The following HDAC1 variants were observed in gnomAD, a reference collection of about 807,000 sequenced individuals.
HDAC1 encodes the protein protein deacetylase HDAC1.
Under a neutral mutation model 65.5 loss-of-function variants are expected in HDAC1, and 18 were observed. That is an observed-to-expected ratio of 0.27 (90% CI 0.19 to 0.41). The LOEUF is 0.41. HDAC1 is among the 10% of genes least tolerant of loss of function. The pLI is 1.00. For synonymous variants in HDAC1, 211 were observed against 227.9 expected (o/e 0.93, Z 0.67); for missense variants, 373 against 625.2 (o/e 0.60, Z 4.30).
chr1:32,309,742 A>G (rs888404736), intron 2 of HDAC1, among the ~76,000 whole-genome samples: 11 of 151,106 alleles, frequency 7.3e-5, no homozygotes, highest in Non-Finnish European at 1.5e-4. Context: ...TGCAGTGGCT[A>G]TTCCTAGGTG....
intron 2 of HDAC1, among the ~76,000 whole-genome samples, chr1:32,313,583 G>A (rs1269751038): frequency 2.0e-5 from 3 of 152,210 alleles, no homozygotes; most frequent in Non-Finnish European, 4.4e-5. Context: ...AATGTTGGCT[G>A]TGTATTGAAA....
At chr1:32,313,647 T>C (rs894130990) in intron 2 of HDAC1, among the ~76,000 whole-genome samples, 5 of 152,224 alleles carry the variant, frequency 3.3e-5, no homozygotes, top group Admixed American at 6.5e-5. Context: ...ATCACTTCGC[T>C]CAGCATCATT....
At chr1:32,296,866 G>C (rs1199031656) in intron 1 of HDAC1, among the ~76,000 whole-genome samples, 1 of 152,194 alleles carries the variant, frequency 6.6e-6, no homozygotes, top group African/African-American at 2.4e-5. Flanking sequence ...GAGGAGACCA[G>C]GGGAGATGGA....
chr1:32,329,007 T>G lies in HDAC1; in HGVS notation c.637-61T>G. On this transcript the variant is annotated intron_variant, in intron 6 of 13. Coordinates refer to ENST00000373548, the MANE Select transcript of HDAC1 (RefSeq NM_004964.3). The surrounding 1 kb of genome is among the most constrained non-coding windows in gnomAD (Gnocchi z 4.1). ...CCTCTTCCTTTATCCCTCCAGCCCC[T>G]ATCCTTGACCTTCCTTCAAGCTTCA... 9.9e-7 allele frequency: 1 copy of G among 1,011,828 alleles called. No individual in the cohort carries two copies. The highest frequency in any genetic ancestry group is 1.6e-6 in the Non-Finnish European group (1 of 631,246). 62.7% of individuals were successfully genotyped at this position (1,011,828 alleles called of 1,614,324 possible). A position where few individuals can be genotyped will look rare whatever the true frequency, so the allele number is the denominator to read the frequency against.
chr1:32,301,146 G>A (rs1273555766), intron 1 of HDAC1, among the ~76,000 whole-genome samples: 1 of 147,408 alleles, frequency 6.8e-6, no homozygotes, highest in African/African-American at 2.4e-5. Context: ...AGCTGGAAAG[G>A]CAGATTAAGA....
Position 32,329,220 on chromosome 1 carries a change from A to T in HDAC1, c.729+60A>T. On this transcript the variant is annotated intron_variant, in intron 7 of 13. Transcript: ENST00000373548. This position sits in a 1 kb window ranked among gnomAD's most constrained non-coding sequence, Gnocchi z 4.1. Reference sequence around the variant, plus strand: ...AGGGGATTGGTTGGCGGTGGAGGGGAGCAAAGCACCCCCACCATACCTCAG... The same window carrying T: ...AGGGGATTGGTTGGCGGTGGAGGGGTGCAAAGCACCCCCACCATACCTCAG... 4 of 964,110 alleles carry T rather than the reference A, an allele frequency of 4.1e-6. No individual in the cohort carries two copies. The highest frequency in any genetic ancestry group is 6.8e-6 in the Non-Finnish European group (4 of 586,548). The allele number at this position is 964,110 out of a possible 1,614,324, so 59.7% of individuals were successfully genotyped here.
rs1233295965 is a variant in HDAC1, at chr1:32,292,923, G to T, written c.49+705G>T. 3.3e-5 allele frequency among the ~76,000 whole-genome samples: 5 copies of T among 152,278 alleles called. No homozygotes were observed. The East Asian group carries it at 7.7e-4, about 24-fold the overall frequency. ...CACCTGAGGAGTCAGCGAAGGAGGG[G>T]ACATCTTAGTTAGGACCTGAAGAAC... is the stretch of plus-strand genomic sequence containing the variant. On this transcript the variant is annotated intron_variant, in intron 1 of 13. Transcript: ENST00000373548.
rs2148072642 is a variant in HDAC1, at chr1:32,330,924, C to G, written c.979+16C>G. On this transcript the variant is annotated intron_variant, in intron 9 of 13. Coordinates refer to ENST00000373548, the MANE Select transcript of HDAC1 (RefSeq NM_004964.3). The surrounding 1 kb of genome is among the most constrained non-coding windows in gnomAD (Gnocchi z 4.2). ...ATCCCTAATGGTAATAGCTGCAGGG[C>G]CAGGTTCGGCTGGGCTGGGTGGGAG... The G allele has an allele frequency of 6.2e-7, 1 of 1,613,748 alleles. No individual in the cohort carries two copies. The highest frequency in any genetic ancestry group is 8.5e-7 in the Non-Finnish European group (1 of 1,179,698).
chr1:32,326,304 A>C (rs1304361193), intron 4 of HDAC1, among the ~76,000 whole-genome samples: 1 of 151,672 alleles, frequency 6.6e-6, no homozygotes, highest in Non-Finnish European at 1.5e-5. Flanking sequence ...TGGGACTACA[A>C]GTGTATGTCA....
intron 1 of HDAC1, among the ~76,000 whole-genome samples, chr1:32,299,651 G>C (rs1408865664): frequency 1.3e-5 from 2 of 152,174 alleles, no homozygotes; most frequent in Non-Finnish European, 2.9e-5. Context: ...TCTAAGGAGA[G>C]ATCTTTGGGT....
In HDAC1 at chr1:32,332,662, G is replaced by C. The variant is rs1641311174; in HGVS notation, c.1373-39G>C. The C allele has an allele frequency of 2.0e-6, 3 of 1,505,332 alleles. No homozygotes were observed. In the South Asian group the frequency reaches 3.6e-5, roughly 18 times the overall value. The allele number at this position is 1,505,332 out of a possible 1,614,324, so 93.2% of individuals were successfully genotyped here. The stretch of plus-strand genomic sequence containing the variant: ...TGAAGACCTCATGGGTCTTCCCAGA[G>C]GTGCTGCCCTTGGCCATCCCTGTAC... On this transcript the variant is annotated intron_variant, in intron 12 of 13. Coordinates refer to ENST00000373548, the MANE Select transcript of HDAC1 (RefSeq NM_004964.3).
chr1:32,317,538 C>T (rs772629031), intron 3 of HDAC1, among the ~76,000 whole-genome samples: 11 of 152,116 alleles, frequency 7.2e-5, no homozygotes, highest in Admixed American at 1.3e-4. Context: ...AGAAAATATG[C>T]GGCACTTGTT....
At chr1:32,296,731 G>A (rs1294767667) in intron 1 of HDAC1, among the ~76,000 whole-genome samples, 1 of 152,150 alleles carries the variant, frequency 6.6e-6, no homozygotes, top group Non-Finnish European at 1.5e-5. Context: ...GAGGATTGTT[G>A]ATAAGGGAGA....
Position 32,330,357 on chromosome 1 carries a change from C to G in HDAC1, c.730-221C>G. Reference sequence around the variant, plus strand: ...GGAGGCCATTCTAGGTTCAGTGTTACTAGAGTGTTAGAAGGGTCTTAGAGA... The same window carrying G: ...GGAGGCCATTCTAGGTTCAGTGTTAGTAGAGTGTTAGAAGGGTCTTAGAGA... On this transcript the variant is annotated intron_variant, in intron 7 of 13. Coordinates refer to ENST00000373548, the MANE Select transcript of HDAC1 (RefSeq NM_004964.3). This position sits in a 1 kb window ranked among gnomAD's most constrained non-coding sequence, Gnocchi z 4.2. The G allele has an allele frequency of 1.9e-6, 1 of 521,724 alleles. No individual in the cohort carries two copies. Among genetic ancestry groups the G allele is most frequent in the Non-Finnish European group, 3.5e-6 (1 of 287,396 alleles). 32.3% of individuals were successfully genotyped at this position (521,724 alleles called of 1,614,324 possible).
At chr1:32,321,636 GC>G in intron 3 of HDAC1, among the ~76,000 whole-genome samples, 1 of 152,104 alleles carries the variant, frequency 6.6e-6, no homozygotes, top group African/African-American at 2.4e-5. Context: ...TCTTCCATTT[GC>G]CCCCTTTCCA....
Position 32,327,405 on chromosome 1 carries a change from G to A in HDAC1, c.495-131G>A. On this transcript the variant is annotated intron_variant, in intron 5 of 13. Transcript: ENST00000373548. This position sits in a 1 kb window ranked among gnomAD's most constrained non-coding sequence, Gnocchi z 6.0. ...CCGGCCGCTCTTCCACCTTCCTTCA[G>A]CCAGTTTCCACGTCTCTGGTGCTTA... The A allele has an allele frequency of 1.3e-6, 1 of 752,452 alleles. No homozygotes were observed. Among genetic ancestry groups the A allele is most frequent in the South Asian group, 1.6e-5 (1 of 60,650 alleles). 46.6% of individuals were successfully genotyped at this position (752,452 alleles called of 1,614,324 possible).
chr1:32,319,982 C>G (rs561394507), intron 3 of HDAC1, among the ~76,000 whole-genome samples: 1 of 151,576 alleles, frequency 6.6e-6, no homozygotes, highest in South Asian at 2.1e-4. Context: ...TTTGGGAGGC[C>G]GAGGTGGGCG....
chr1:32,292,303 G>T (rs1318049676), intron 1 of HDAC1, 85 bp downstream of exon 1: 2 of 1,537,070 alleles, frequency 1.3e-6, no homozygotes, highest in African/African-American at 1.4e-5. Flanking sequence ...CCGATGGGAG[G>T]CTGCGGGAGG....
At chr1:32,326,611 C>T (rs956615017) in intron 4 of HDAC1, among the ~76,000 whole-genome samples, 2 of 151,958 alleles carry the variant, frequency 1.3e-5, no homozygotes, top group Non-Finnish European at 2.9e-5. Context: ...AGCAGTTACC[C>T]TTACTGTTAC....
Sources: allele counts gnomAD v4.1 joint callset (sites outside exome capture counted in the v4.1 genomes callset), GRCh38; gene constraint gnomAD v4.1.1; non-coding constraint Gnocchi (gnomAD v3.1); transcripts MANE v1.5; gene names NCBI Gene and HGNC (gene_info 2026-07-23, HGNC 2026-07-21).